The following STON2 variants were observed in gnomAD, a reference collection of about 807,000 sequenced individuals.
STON2 encodes the protein stonin-2.
Under a neutral mutation model 65.7 loss-of-function variants are expected in STON2, and 29 were observed. The observed-to-expected ratio is 0.44, with a 90% CI of 0.33 to 0.60. The LOEUF is 0.60. Ranked by LOEUF, STON2 falls within the 20% of genes least tolerant of loss-of-function variation. The pLI is 0.03. For missense variants in STON2, 1,054 were observed against 1,118.1 expected (o/e 0.94, Z 0.82); for synonymous variants, 404 against 414.2 (o/e 0.98, Z 0.30).
chr14:81,333,482 A>G, intron 4 of STON2: 1 of 257,562 alleles, frequency 3.9e-6, no homozygotes, highest in Non-Finnish European at 7.5e-6. Flanking sequence ...AATTTTGCTG[A>G]CGAAGAAAAC....
intron 5 of STON2, among the ~76,000 whole-genome samples, chr14:81,310,564 A>G (rs935892960): frequency 3.3e-5 from 5 of 152,238 alleles, no homozygotes; most frequent in South Asian, 4.1e-4. Context: ...ATAGCTGAGT[A>G]TCCAGATGTT....
In STON2 at chr14:81,434,924, G is replaced by A. The variant is rs141609234; in HGVS notation, c.-310+1397C>T. 5.5e-4 allele frequency among the ~76,000 whole-genome samples: 84 copies of A among 152,268 alleles called. 2 individuals are homozygous for A. In the South Asian group the frequency reaches 0.011, roughly 20 times the overall value. The stretch of plus-strand genomic sequence containing the variant: ...CAATTTTAGGTTTCTATGAGCCACT[G>A]GCATTTTTGCTGTGTGGTTGAGTTT... On this transcript the variant is annotated intron_variant, in intron 1 of 8. Coordinates refer to the STON2 transcript ENST00000553821.
At position 81,360,221 on chromosome 14, in the gene STON2, A is replaced by AC. The variant is rs1433946825; in HGVS notation, c.571+10766dup. On this transcript the variant is annotated intron_variant, in intron 4 of 7. Coordinates refer to ENST00000614646, the MANE Select transcript of STON2 (RefSeq NM_001394390.1). ...TTCTTATGAGCCAAACAAGGACATTACAAGAAAAGGAAACTACAGGAAAGG... is the reference window on the plus strand; with the variant it reads ...TTCTTATGAGCCAAACAAGGACATTACCAAGAAAAGGAAACTACAGGAAAGG... Among the ~76,000 whole-genome samples, 4 of 152,344 alleles carry AC rather than the reference A, an allele frequency of 2.6e-5. No individual in the cohort carries two copies. In the East Asian group the frequency reaches 5.8e-4, roughly 22 times the overall value.
At chr14:81,315,129 C>T (rs1243057186) in intron 5 of STON2, among the ~76,000 whole-genome samples, 1 of 152,174 alleles carries the variant, frequency 6.6e-6, no homozygotes, top group African/African-American at 2.4e-5. Flanking sequence ...CATTCTGGCA[C>T]CTCCAAATTT....
At chr14:81,332,947 C>T in intron 4 of STON2, 1 of 389,484 alleles carries the variant, frequency 2.6e-6, no homozygotes, top group African/African-American at 2.1e-5. Flanking sequence ...CTCCACAGCT[C>T]ACTGCTAGAC....
chr14:81,361,214 C>A (rs1204169301), intron 4 of STON2, among the ~76,000 whole-genome samples: 6 of 151,968 alleles, frequency 3.9e-5, no homozygotes, highest in Non-Finnish European at 7.4e-5. Flanking sequence ...TAAGCAAAAA[C>A]AACAAAGTTG....
upstream of STON2, among the ~76,000 whole-genome samples, chr14:81,402,738 A>T (rs777186906): frequency 1.4e-4 from 22 of 152,162 alleles, no homozygotes; most frequent in Non-Finnish European, 2.6e-4. Flanking sequence ...GCCTTGGCTC[A>T]GCCCCTCATG....
chr14:81,355,494 G>A (rs1341971468), intron 4 of STON2, among the ~76,000 whole-genome samples: 1 of 152,046 alleles, frequency 6.6e-6, no homozygotes. Context: ...TATATTCAAA[G>A]TGCAGAAGGA....
rs141381354 is a variant in STON2 at position 81,270,792 on chromosome 14, C to G, written c.2662G>C (p.Val888Leu). The part of the protein sequence containing the change: ...REVPSRFANH[V>L]NVEFSMPTTS... ...GTGGGCATGCTGAACTCGACATTCACGTGATTGGCAAATCTGGAAGGCACT... is the reference window on the plus strand; with the variant it reads ...GTGGGCATGCTGAACTCGACATTCAGGTGATTGGCAAATCTGGAAGGCACT... The change falls in exon 7 of 8, where the codon GTG becomes CTG. Residue 888 changes from valine (V) to leucine (L), a missense_variant. Physicochemically the swap from Val to Leu is conservative, Grantham distance 32. Transcript: ENST00000614646. 1 of 1,614,082 alleles carries G rather than the reference C, an allele frequency of 6.2e-7. No individual in the cohort carries two copies. The highest frequency in any genetic ancestry group is 1.1e-5 in the South Asian group (1 of 91,080).
At position 81,278,705 on chromosome 14, in the gene STON2, T is replaced by C. The variant is rs536638011; in HGVS notation, c.777A>G (p.Val259=). 2 of 1,519,910 alleles carry C rather than the reference T, an allele frequency of 1.3e-6. No individual in the cohort carries two copies. Among genetic ancestry groups the C allele is most frequent in the Admixed American group, 4.5e-5 (2 of 44,154 alleles). 94.2% of individuals were successfully genotyped at this position (1,519,910 alleles called of 1,614,324 possible). A position where few individuals can be genotyped will look rare whatever the true frequency, so the allele number is the denominator to read the frequency against. Residue 259 remains valine (V), a synonymous_variant, in exon 6 of 8, where the codon GTA becomes GTG. Coordinates refer to ENST00000614646, the MANE Select transcript of STON2 (RefSeq NM_001394390.1). The part of the protein sequence containing the change: ...NSSSLQEDEE[V]EMEAISWQAS... ...CCTGCCAGCTGATGGCCTCCATCTC[T>C]ACTTCTTCATCTTCTTGAAGCGAGG...
At position 81,277,471 on chromosome 14, in the gene STON2, C is replaced by T. The variant is rs763336141; in HGVS notation, c.2011G>A (p.Gly671Ser). The stretch of plus-strand genomic sequence containing the variant: ...CCTTTGACGAGGATGTCATTGAGGC[C>T]CAGGCGGCACTCTGCGAGCCCAGAC... ...FLSGLAECRL[G>S]LNDILVKGNE... Residue 671 changes from glycine to serine, a missense_variant, in exon 6 of 8, where the codon GGC (glycine) becomes AGC (serine). Gly to Ser is a moderately conservative substitution (Grantham distance 56). Transcript: ENST00000614646. 12 of 1,614,100 alleles carry T rather than the reference C, an allele frequency of 7.4e-6. No homozygotes were observed. The highest frequency in any genetic ancestry group is 9.3e-6 in the Non-Finnish European group (11 of 1,180,028).
Position 81,413,141 on chromosome 14 carries a change from G to A in STON2, c.-199+13961C>T, listed in dbSNP as rs1276873929. The A allele has an allele frequency of 2.1e-5, 28 of 1,350,694 alleles. 2 individuals carry two copies. The highest frequency in any genetic ancestry group is 2.6e-4 in the Middle Eastern group (1 of 3,874). The allele number at this position is 1,350,694 out of a possible 1,614,324, so 83.7% of individuals were successfully genotyped here. A position where few individuals can be genotyped will look rare whatever the true frequency, so the allele number is the denominator to read the frequency against. ...GTACAATCCCACCTGACACTGCATC[G>A]TGGGGAGGAACTTCAGTAGTTACGT... On this transcript the variant is annotated intron_variant, in intron 2 of 8. Transcript: ENST00000553821.
chr14:81,364,727 G>A (rs905527431), intron 4 of STON2, among the ~76,000 whole-genome samples: 1 of 151,972 alleles, frequency 6.6e-6, no homozygotes, highest in African/African-American at 2.4e-5. Flanking sequence ...CAACAAAGGG[G>A]GCACAGCGTG....
rs778380748 is a variant in STON2 at position 81,277,566 on chromosome 14, A to G, written c.1916T>C (p.Ile639Thr). 4 of 1,614,162 alleles carry G rather than the reference A, an allele frequency of 2.5e-6. No individual in the cohort carries two copies. The highest frequency in any genetic ancestry group is 3.4e-6 in the Non-Finnish European group (4 of 1,180,020). Residue 639 changes from isoleucine to threonine, a missense_variant, in exon 6 of 8, where the codon ATT (isoleucine) becomes ACT (threonine). By Grantham distance (89) the Ile-to-Thr change is moderately conservative. Transcript: ENST00000614646. ...AATCTGGTTGTCTCCTTTGCTCACA[A>G]TGCCAGAGAATTCATCTCTGACATC... ...TVDVRDEFSG[I>T]VSKGDNQILQ...
intron 4 of STON2, among the ~76,000 whole-genome samples, chr14:81,332,250 A>G (rs890376040): frequency 1.3e-5 from 2 of 152,226 alleles, no homozygotes; most frequent in Admixed American, 6.5e-5. Flanking sequence ...AACACCATCT[A>G]TTAGCAAATG....
rs1318573629 is a variant in STON2, at chr14:81,270,769, G to A, written c.2685C>T (p.Pro895=). The A allele has an allele frequency of 1.2e-6, 2 of 1,614,154 alleles. No homozygotes were observed. Among genetic ancestry groups the A allele is most frequent in the African/African-American group, 1.3e-5 (1 of 75,046 alleles). The change falls in exon 7 of 8, where the codon CCC becomes CCT. Residue 895 remains proline, a synonymous_variant. Coordinates refer to ENST00000614646, the MANE Select transcript of STON2 (RefSeq NM_001394390.1). ...CGCTGGCTTTGGAGGCAGAAGTTGT[G>A]GGCATGCTGAACTCGACATTCACGT... ...ANHVNVEFSM[P]TTSASKASVR...
intron 7 of STON2, chr14:81,270,215 T>G: frequency 2.6e-6 from 1 of 389,762 alleles, no homozygotes; most frequent in Non-Finnish European, 3.5e-6. Flanking sequence ...GTCTCCTGAG[T>G]AGCTGGACTA....
intron 4 of STON2, among the ~76,000 whole-genome samples, chr14:81,366,304 G>A (rs1898723847): frequency 6.6e-6 from 1 of 152,182 alleles, no homozygotes; most frequent in Non-Finnish European, 1.5e-5. Context: ...GCAGAACTCT[G>A]CCGCAGATGA....
rs1894365301 is a variant in STON2 at position 81,266,568 on chromosome 14, T to C, written c.*1846A>G. 3 of 671,226 alleles carry C rather than the reference T, an allele frequency of 4.5e-6. No individual in the cohort carries two copies. Among genetic ancestry groups the C allele is most frequent in the South Asian group, 6.6e-5 (1 of 15,134 alleles). 41.6% of individuals were successfully genotyped at this position (671,226 alleles called of 1,614,324 possible). ...CCTCCCTATGGACACAATCAACTTA[T>C]TAATGTCTCTCTTAAAATATGATAC... On this transcript the variant is annotated 3_prime_UTR_variant, in exon 8 of 8. Transcript: ENST00000614646.
Sources: gnomAD v4.1 joint callset for allele counts (sites outside exome capture counted in the v4.1 genomes callset) on GRCh38, gnomAD v4.1.1 for gene constraint, MANE v1.5 for transcripts, NCBI Gene and HGNC (gene_info 2026-07-23, HGNC 2026-07-21) for gene names.